The following ANKS1B variants were observed in gnomAD, a reference collection of about 807,000 sequenced individuals.
ANKS1B encodes ankyrin repeat and sterile alpha motif domain-containing protein 1B.
Under a neutral mutation model 148.3 loss-of-function variants are expected in ANKS1B, and 36 were observed. That is an observed-to-expected ratio of 0.24 (90% confidence interval 0.19 to 0.32). The LOEUF (loss-of-function observed/expected upper bound fraction) is 0.32. ANKS1B is among the 10% of genes least tolerant of loss of function. The pLI is 1.00. For missense variants in ANKS1B, 1,157 were observed against 1,542.6 expected (o/e 0.75, Z 4.19); for synonymous variants, 542 against 560.8 (o/e 0.97, Z 0.47).
chr12:99,969,479 TG>T (rs1314233304), intron 1 of ANKS1B, among the ~76,000 whole-genome samples: 1 of 152,130 alleles, frequency 6.6e-6, no homozygotes, highest in Non-Finnish European at 1.5e-5. Flanking sequence ...TCAACACACC[TG>T]GACTAACACT....
At chr12:99,952,548 G>C (rs1348379269) in intron 1 of ANKS1B, among the ~76,000 whole-genome samples, 1 of 152,056 alleles carries the variant, frequency 6.6e-6, no homozygotes, top group East Asian at 1.9e-4. Flanking sequence ...TATTCTTCTT[G>C]AATTGCCTCT....
intron 14 of ANKS1B, among the ~76,000 whole-genome samples, chr12:99,163,948 T>G (rs1054936272): frequency 1.3e-5 from 2 of 152,190 alleles, no homozygotes; most frequent in African/African-American, 4.8e-5. Context: ...TAGCATTTGG[T>G]GTTGTCAATT....
Position 99,770,227 on chromosome 12 carries a change from G to GT in ANKS1B, c.1128+2694dup, listed in dbSNP as rs371226095. ...TAGAGTAGCAAATAGCAAAAACTGA[G>GT]TAAGTGTCAGTTCTTATTTATTCAG... On this transcript the variant is annotated intron_variant, in intron 8 of 26. Coordinates refer to ENST00000683438, the MANE Select transcript of ANKS1B (RefSeq NM_001352186.2). 4.7e-3 allele frequency among the ~76,000 whole-genome samples: 701 copies of GT among 148,340 alleles called. 5 individuals are homozygous for GT. The highest frequency in any genetic ancestry group is 0.016 in the African/African-American group (672 of 41,124).
chr12:99,824,764 A>G (rs1449917247), intron 2 of ANKS1B, among the ~76,000 whole-genome samples: 2 of 152,232 alleles, frequency 1.3e-5, no homozygotes, highest in Non-Finnish European at 2.9e-5. Context: ...ATATACTATT[A>G]CATTATTTGA....
chr12:98,912,916 A>C (rs1287258168), intron 17 of ANKS1B, among the ~76,000 whole-genome samples: 1 of 152,198 alleles, frequency 6.6e-6, no homozygotes, highest in Non-Finnish European at 1.5e-5. Flanking sequence ...CATTTTACCC[A>C]GGTATTGCAA....
At chr12:99,394,886 A>C (rs2094194248) in intron 12 of ANKS1B, among the ~76,000 whole-genome samples, 1 of 150,572 alleles carries the variant, frequency 6.6e-6, no homozygotes, top group Admixed American at 6.6e-5. Context: ...TAGGCATCTC[A>C]AAATTAACTC....
intron 15 of ANKS1B, among the ~76,000 whole-genome samples, chr12:99,149,025 CA>C (rs1392084364): frequency 6.6e-6 from 1 of 151,046 alleles, no homozygotes; most frequent in African/African-American, 2.4e-5. Flanking sequence ...AGTAAGTTCA[CA>C]AAATTTTCCT....
intron 15 of ANKS1B, among the ~76,000 whole-genome samples, chr12:99,138,074 T>C (rs1254918506): frequency 6.6e-6 from 1 of 152,182 alleles, no homozygotes; most frequent in Non-Finnish European, 1.5e-5. Context: ...TGATCAATGT[T>C]TGTATTTAGA....
At chr12:99,732,685 T>A (rs57633973) in intron 8 of ANKS1B, among the ~76,000 whole-genome samples, 2,498 of 152,284 alleles carry the variant, frequency 0.016, 155 homozygotes, top group Admixed American at 0.11. Flanking sequence ...TACTATACAT[T>A]TTTCAAACTC....
chr12:99,471,981 GT>G (rs1240256211), intron 10 of ANKS1B, among the ~76,000 whole-genome samples: 3 of 151,958 alleles, frequency 2.0e-5, no homozygotes, highest in Non-Finnish European at 4.4e-5. Context: ...AGTGCAAAAC[GT>G]TTTTACATAG....
chr12:98,948,947 CTTTTTTTT>C (rs869145338), intron 17 of ANKS1B, among the ~76,000 whole-genome samples: 1 of 84,862 alleles, frequency 1.2e-5, no homozygotes, highest in African/African-American at 6.8e-5. Context: ...GCATGAGCTA[CTTTTTTTT>C]TTTTTTTTTT....
chr12:99,680,804 G>A (rs1403171105), intron 8 of ANKS1B, among the ~76,000 whole-genome samples: 3 of 152,124 alleles, frequency 2.0e-5, no homozygotes, highest in African/African-American at 7.2e-5. Flanking sequence ...AGTGCTATTG[G>A]AGGGGCGTGG....
Position 98,837,554 on chromosome 12 carries a change from C to T in ANKS1B, c.2779-5418G>A, listed in dbSNP as rs566560596. On this transcript the variant is annotated intron_variant, in intron 17 of 26. Transcript: ENST00000683438. Reference sequence around the variant, plus strand: ...CTTAAACAGGATAATTCCGGAAACCCCACTGTGAATCTCAGCAACAGGAGA... The same window carrying T: ...CTTAAACAGGATAATTCCGGAAACCTCACTGTGAATCTCAGCAACAGGAGA... Among the ~76,000 whole-genome samples, 4 of 152,182 alleles carry T rather than the reference C, an allele frequency of 2.6e-5. No homozygotes were observed. The East Asian group carries it at 7.7e-4, about 29-fold the overall frequency.
At chr12:99,649,328 GA>G in intron 9 of ANKS1B, 1 of 1,614,152 alleles carries the variant, frequency 6.2e-7, no homozygotes. Flanking sequence ...GAGCAATTCA[GA>G]ATCAGTAGAC....
intron 1 of ANKS1B, among the ~76,000 whole-genome samples, chr12:99,883,614 GGC>G (rs2092659719): frequency 3.8e-5 from 4 of 105,674 alleles, no homozygotes; most frequent in African/African-American, 1.2e-4. Context: ...ATAGACTTGG[GGC>G]AGGGGGGAAT....
At chr12:99,615,838 A>T (rs1456112526) in intron 9 of ANKS1B, among the ~76,000 whole-genome samples, 1 of 152,194 alleles carries the variant, frequency 6.6e-6, no homozygotes, top group African/African-American at 2.4e-5. Context: ...AAATAGGAAG[A>T]CAGGAAGTCA....
intron 4 of ANKS1B, 91 bp from the exon 5 acceptor site, chr12:99,782,188 A>G (rs773757778): frequency 1.9e-6 from 2 of 1,040,080 alleles, no homozygotes; most frequent in Non-Finnish European, 2.8e-6. Context: ...ACATATTCAT[A>G]CATATTTGCT....
rs139715594 is a variant in ANKS1B at position 98,926,104 on chromosome 12, T to C, written c.2779-93968A>G. On this transcript the variant is annotated intron_variant, in intron 17 of 26. Coordinates refer to ENST00000683438, the MANE Select transcript of ANKS1B (RefSeq NM_001352186.2). Reference sequence around the variant, plus strand: ...GACCTGAGAAGCCCCTATTCTCTCATCTCTAGTTGACTTTGAGGTTCTGTG... The same window carrying C: ...GACCTGAGAAGCCCCTATTCTCTCACCTCTAGTTGACTTTGAGGTTCTGTG... Among the ~76,000 whole-genome samples the C allele has an allele frequency of 6.8e-3, 1,037 of 152,210 alleles. 6 individuals are homozygous for C. The highest frequency in any genetic ancestry group is 0.01 in the Middle Eastern group (3 of 294).
intron 9 of ANKS1B, chr12:99,648,323 T>G (rs1224815211): frequency 6.2e-7 from 1 of 1,614,060 alleles, no homozygotes; most frequent in South Asian, 1.1e-5. Flanking sequence ...GAGAGCGACT[T>G]TATCCAGATC....
Sources: gnomAD v4.1 joint callset for allele counts (sites outside exome capture counted in the v4.1 genomes callset) on GRCh38, gnomAD v4.1.1 for gene constraint, MANE v1.5 for transcripts, NCBI Gene and HGNC (gene_info 2026-07-23, HGNC 2026-07-21) for gene names.